Variants in COG2 observed in about 807,000 individuals in gnomAD.
The protein encoded by COG2 is component of oligomeric golgi complex 2, also known as conserved oligomeric Golgi complex subunit 2.
COG2 carries 52 observed loss-of-function variants against 90.6 expected under a neutral mutation model. The ratio of observed to expected loss-of-function variants is 0.57; its 90% confidence interval spans 0.46 to 0.72. COG2 has a LOEUF of 0.72. Among genes scored for constraint, COG2 ranks in the 30% least tolerant of loss-of-function variants. The pLI is 0.00. For missense variants in COG2, 829 were observed against 891.2 expected, an observed-to-expected ratio of 0.93 and a Z score of 0.89; for synonymous variants, 337 against 320.4, an observed-to-expected ratio of 1.05 and a Z score of -0.55.
intron 10 of COG2, chr1:230,680,155 AT>A (rs1662705196): frequency 6.6e-6 from 1 of 152,248 alleles, no homozygotes; most frequent in Admixed American, 6.5e-5. Context: ...GATAATCAAC[AT>A]CAAGCCAGGG....
At chr1:230,685,346 G>A in intron 12 of COG2, 110 bp downstream of exon 12, 1 of 1,080,388 alleles carries the variant, frequency 9.3e-7, no homozygotes. Context: ...TAATTCAGAG[G>A]ACCACAGTAG....
chr1:230,659,654 C>T (rs1662140220), intron 2 of COG2, 29 bp downstream of exon 2: 7 of 1,597,690 alleles, frequency 4.4e-6, no homozygotes, highest in Non-Finnish European at 6.0e-6. Context: ...GTCCCATTTA[C>T]ATACATACAA....
intron 8 of COG2, among the ~76,000 whole-genome samples, chr1:230,673,588 TA>T (rs1289793094): frequency 6.6e-6 from 1 of 152,256 alleles, no homozygotes; most frequent in African/African-American, 2.4e-5. Flanking sequence ...TGTCATTTAA[TA>T]GTGATTACAT....
chr1:230,687,160 G>A, intron 13 of COG2, 28 bp downstream of exon 13: 1 of 1,583,142 alleles, frequency 6.3e-7, no homozygotes, highest in African/African-American at 1.3e-5. Context: ...AATAATTCCA[G>A]GTGCTTGGTT....
At chr1:230,652,201 C>T (rs1661930530) in intron 1 of COG2, among the ~76,000 whole-genome samples, 1 of 69,538 alleles carries the variant, frequency 1.4e-5, no homozygotes. Context: ...GCACCTTCAG[C>T]ACCACCACCC....
At chr1:230,689,002 C>T (rs1329762709) in intron 15 of COG2, among the ~76,000 whole-genome samples, 2 of 151,554 alleles carry the variant, frequency 1.3e-5, no homozygotes, top group East Asian at 1.9e-4. Context: ...AACTGTGGAT[C>T]GAAAATATTT....
chr1:230,664,466 C>T lies in COG2; in HGVS notation c.382-18C>T, dbSNP rs1289783889. The T allele has an allele frequency of 1.8e-6, 2 of 1,139,700 alleles. No individual in the cohort carries two copies. The highest frequency in any genetic ancestry group is 1.2e-6 in the Non-Finnish European group (1 of 805,936). The allele number at this position is 1,139,700 out of a possible 1,614,324, so 70.6% of individuals were successfully genotyped here. A position where few individuals can be genotyped will look rare whatever the true frequency, so the allele number is the denominator to read the frequency against. On this transcript the variant is annotated intron_variant, in intron 4 of 17. Transcript: ENST00000366669. ...ATTAAACATGACAATAACTTTTTTC[C>T]TTAATTTTTATTTATAGATGTGTGT...
chr1:230,660,491 A>C (rs564200719), intron 2 of COG2, among the ~76,000 whole-genome samples: 1 of 152,284 alleles, frequency 6.6e-6, no homozygotes, highest in East Asian at 1.9e-4. Flanking sequence ...TTTTATTCAG[A>C]GGCAAATTGT....
intron 3 of COG2, 59 bp downstream of exon 3, chr1:230,660,882 C>A: frequency 8.3e-7 from 1 of 1,199,466 alleles, no homozygotes; most frequent in Non-Finnish European, 1.1e-6. Context: ...CTTGTTTGCC[C>A]TTCCAAAAAA....
chr1:230,654,088 GTT>G (rs905297069), intron 1 of COG2, among the ~76,000 whole-genome samples: 15 of 152,340 alleles, frequency 9.8e-5, no homozygotes, highest in Admixed American at 9.8e-4. Flanking sequence ...TCTGATGATA[GTT>G]TCTTTTGCTG....
intron 5 of COG2, among the ~76,000 whole-genome samples, chr1:230,666,541 T>C (rs1021349860): frequency 6.6e-6 from 1 of 152,180 alleles, no homozygotes; most frequent in Non-Finnish European, 1.5e-5. Flanking sequence ...AAACAATGGT[T>C]TCCTAGTGTT....
intron 10 of COG2, 88 bp downstream of exon 10, chr1:230,679,140 C>T: frequency 7.9e-7 from 1 of 1,273,308 alleles, no homozygotes. Context: ...GTTAGCGGCT[C>T]CTTTTCTCTG....
intron 1 of COG2, among the ~76,000 whole-genome samples, chr1:230,648,412 C>T (rs1177884787): frequency 6.6e-6 from 1 of 152,204 alleles, no homozygotes; most frequent in Non-Finnish European, 1.5e-5. Context: ...TTCTCTTTAG[C>T]TTCAGTTTGC....
rs374412147 is a variant in COG2 at position 230,671,542 on chromosome 1, T to G, written c.801T>G (p.Ser267=). The change falls in exon 8 of 18, where the codon TCT becomes TCG. Residue 267 remains serine, a synonymous_variant. Coordinates refer to ENST00000366669, the MANE Select transcript of COG2 (RefSeq NM_007357.3). ...TGATTATAGAGCAGTTTGTTGAATC[T>G]CATCCCAATGGCCTTCAGGTCATGT... ...DEVIIEQFVE[S]HPNGLQVMYN... The G allele has an allele frequency of 2.1e-5, 34 of 1,613,242 alleles. No individual in the cohort carries two copies. Among genetic ancestry groups the G allele is most frequent in the Non-Finnish European group, 2.5e-5 (30 of 1,179,500 alleles).
chr1:230,647,622 C>G (rs1661821213), intron 1 of COG2, among the ~76,000 whole-genome samples: 1 of 152,150 alleles, frequency 6.6e-6, no homozygotes, highest in Admixed American at 6.5e-5. Context: ...AGTTGCCCCT[C>G]AGTATCCGCA....
At chr1:230,667,105 A>G (rs567393713) in intron 5 of COG2, among the ~76,000 whole-genome samples, 85 of 152,158 alleles carry the variant, frequency 5.6e-4, no homozygotes, top group Non-Finnish European at 9.0e-4. Flanking sequence ...GTGAGACTGG[A>G]ACTGTTGATT....
chr1:230,647,596 GA>G (rs1457568789), intron 1 of COG2, among the ~76,000 whole-genome samples: 2 of 152,058 alleles, frequency 1.3e-5, no homozygotes, highest in Non-Finnish European at 2.9e-5. Context: ...ATGTTTCTGT[GA>G]ATAAAGAAAC....
chr1:230,673,939 G>T (rs147931196), intron 8 of COG2, among the ~76,000 whole-genome samples: 1 of 152,146 alleles, frequency 6.6e-6, no homozygotes, highest in Non-Finnish European at 1.5e-5. Context: ...AGAATGTTAA[G>T]TCCCGTTTTG....
intron 8 of COG2, among the ~76,000 whole-genome samples, chr1:230,674,684 T>C (rs1662541666): frequency 6.6e-6 from 1 of 152,164 alleles, no homozygotes. Flanking sequence ...GTTTCCAAGA[T>C]AGGAGTATAA....
Sources: allele counts gnomAD v4.1 joint callset (sites outside exome capture counted in the v4.1 genomes callset), GRCh38; gene constraint gnomAD v4.1.1; transcripts MANE v1.5; gene names NCBI Gene and HGNC (gene_info 2026-07-23, HGNC 2026-07-21).